Variants in MYH9 observed in about 807,000 individuals in gnomAD.
MYH9 encodes the protein myosin-9.
MYH9 carries 29 observed loss-of-function variants against 241.9 expected under a neutral mutation model. The ratio of observed to expected loss-of-function variants is 0.12; its 90% CI spans 0.09 to 0.16. The LOEUF is 0.16. Ranked by LOEUF, MYH9 falls within the 10% of genes least tolerant of loss-of-function variation. The pLI is 1.00. For missense variants in MYH9, 1,803 were observed against 2,595.5 expected, an observed-to-expected ratio of 0.69 and a Z score of 6.63; for synonymous variants, 1,047 against 1,062.6, an observed-to-expected ratio of 0.99 and a Z score of 0.29.
At chr22:36,312,580 G>C (rs897510298) in intron 13 of MYH9, among the ~76,000 whole-genome samples, 4 of 152,174 alleles carry the variant, frequency 2.6e-5, no homozygotes, top group Admixed American at 2.0e-4. Context: ...CTGTGATCCT[G>C]CCACGGGAGA....
chr22:36,316,487 G>A (rs1290490916), intron 12 of MYH9, 30 bp downstream of exon 12: 1 of 1,614,088 alleles, frequency 6.2e-7, no homozygotes, highest in Admixed American at 1.7e-5. Context: ...CAAGGAGGCA[G>A]CAGGGTGGGT....
At position 36,330,368 on chromosome 22, in the gene MYH9, C is replaced by A. The variant is rs1223940695; in HGVS notation, c.491-2880G>T. The stretch of plus-strand genomic sequence containing the variant: ...GATGCACCACGAATCGTACCATGGC[C>A]CCATGCAACCGAAAAGGTCTTTCCA... On this transcript the variant is annotated intron_variant, in intron 3 of 40. Transcript: ENST00000216181. This position sits in a 1 kb window ranked among gnomAD's most constrained non-coding sequence, Gnocchi z 4.5. 6.6e-6 allele frequency among the ~76,000 whole-genome samples: 1 copy of A among 152,226 alleles called. No individual in the cohort carries two copies. The highest frequency in any genetic ancestry group is 1.9e-4 in the East Asian group (1 of 5,198).
chr22:36,317,911 A>T (rs569900128), intron 11 of MYH9, among the ~76,000 whole-genome samples: 16 of 152,374 alleles, frequency 1.1e-4, no homozygotes. Flanking sequence ...CAGACAGGAC[A>T]TGCCTATATC....
chr22:36,340,807 G>A (rs962688591), intron 3 of MYH9, among the ~76,000 whole-genome samples: 4 of 152,142 alleles, frequency 2.6e-5, no homozygotes, highest in African/African-American at 7.2e-5. Flanking sequence ...GAGAAGGGGT[G>A]GGGACAGACA....
At chr22:36,321,883 G>T in intron 6 of MYH9, 62 bp from the exon 7 acceptor site, 1 of 1,426,872 alleles carries the variant, frequency 7.0e-7, no homozygotes, top group Non-Finnish European at 9.9e-7. Flanking sequence ...TAGAGAGCAC[G>T]GGGGAGACCA....
chr22:36,345,516 G>A (rs762147417), intron 2 of MYH9, among the ~76,000 whole-genome samples: 4 of 152,100 alleles, frequency 2.6e-5, no homozygotes, highest in Non-Finnish European at 2.9e-5. Context: ...TGTGACATAA[G>A]CTATAAAGCC....
chr22:36,339,337 G>C (rs963966971), intron 3 of MYH9, among the ~76,000 whole-genome samples: 4 of 152,162 alleles, frequency 2.6e-5, no homozygotes, highest in Admixed American at 1.3e-4. Context: ...TTTTGCACTA[G>C]GCCAATTAAG....
At chr22:36,308,717 G>GT in intron 15 of MYH9, 2 of 748,500 alleles carry the variant, frequency 2.7e-6, no homozygotes, top group Non-Finnish European at 3.3e-6. Flanking sequence ...CCAAGGCAAG[G>GT]GGGGGCGCGA....
intron 5 of MYH9, among the ~76,000 whole-genome samples, 178 bp downstream of exon 5, chr22:36,326,390 C>A (rs751177627): frequency 6.6e-6 from 1 of 152,330 alleles, no homozygotes; most frequent in East Asian, 1.9e-4. Context: ...GGCTTGCTAC[C>A]GCTGGACCAC....
rs755404997 is a variant in MYH9 at position 36,291,983 on chromosome 22, C to G, written c.4344+3G>C. 6.2e-7 allele frequency: 1 copy of G among 1,614,202 alleles called. No homozygotes were observed. The highest frequency in any genetic ancestry group is 1.1e-5 in the South Asian group (1 of 91,090). On this transcript the variant is annotated splice_donor_region_variant and intron_variant, in intron 31 of 40. Coordinates refer to ENST00000216181, the MANE Select transcript of MYH9 (RefSeq NM_002473.6). ...GCAAAGGATGGGGCCAACGGCCACACACCTGGTCAAACTTCTTCTGCTTCT... is the reference window on the plus strand; with the variant it reads ...GCAAAGGATGGGGCCAACGGCCACAGACCTGGTCAAACTTCTTCTGCTTCT...
chr22:36,353,769 C>G (rs1343765844), intron 1 of MYH9, among the ~76,000 whole-genome samples: 1 of 109,568 alleles, frequency 9.1e-6, no homozygotes, highest in Non-Finnish European at 2.2e-5. Flanking sequence ...TCAGTTTTCT[C>G]TTTCTTTTCG....
chr22:36,361,850 T>C (rs1310389487), intron 1 of MYH9, among the ~76,000 whole-genome samples: 1 of 152,178 alleles, frequency 6.6e-6, no homozygotes, highest in Non-Finnish European at 1.5e-5. Context: ...GGCAGGTAGA[T>C]CACGAGGTCA....
chr22:36,381,758 C>T (rs75136417), intron 1 of MYH9, among the ~76,000 whole-genome samples: 12,234 of 152,096 alleles, frequency 0.08, 534 homozygotes, highest in Middle Eastern at 0.11. Flanking sequence ...ATGGATTGAC[C>T]TCATTTTTCA....
rs953711109 is a variant in MYH9, at chr22:36,315,916, T to C, written c.1380+601A>G. Among the ~76,000 whole-genome samples the C allele has an allele frequency of 2.0e-5, 3 of 151,778 alleles. No homozygotes were observed. The South Asian group carries it at 6.2e-4, about 31-fold the overall frequency. On this transcript the variant is annotated intron_variant, in intron 12 of 40. Transcript: ENST00000216181. ...AGCTGGGAGTGGTGGTGCGTGCCTA[T>C]AGTTCCAGCTACTAAGGGGGCTGAG...
chr22:36,369,216 A>G (rs1301152692), intron 1 of MYH9, among the ~76,000 whole-genome samples: 2 of 152,170 alleles, frequency 1.3e-5, no homozygotes, highest in Non-Finnish European at 2.9e-5. Context: ...TCTGTCTAAC[A>G]TAGGTTTAAA....
At chr22:36,317,965 C>A (rs1397505893) in intron 11 of MYH9, among the ~76,000 whole-genome samples, 1 of 152,272 alleles carries the variant, frequency 6.6e-6, no homozygotes, top group African/African-American at 2.4e-5. Context: ...TGTAAAGAGG[C>A]ACAATGCAGT....
In MYH9 at chr22:36,281,714, T is replaced by C. The variant is rs1373713532; in HGVS notation, c.*954A>G. On this transcript the variant is annotated 3_prime_UTR_variant, in exon 41 of 41. Transcript: ENST00000216181. ...CTTATTTTGCTTTCAAAAATACCTG[T>C]GCAGGTGGCAGATTTTTAAACTATA... 8.7e-6 allele frequency: 2 copies of C among 230,766 alleles called. No homozygotes were observed. The highest frequency in any genetic ancestry group is 1.7e-5 in the Non-Finnish European group (2 of 116,310). 14.3% of individuals were successfully genotyped at this position (230,766 alleles called of 1,614,324 possible).
At chr22:36,374,780 G>A (rs1314623881) in intron 1 of MYH9, among the ~76,000 whole-genome samples, 3 of 152,194 alleles carry the variant, frequency 2.0e-5, no homozygotes, top group East Asian at 1.9e-4. Flanking sequence ...AGGCTGGGTC[G>A]TGGCCTAAGG....
chr22:36,358,059 G>A (rs2017883203), intron 1 of MYH9, among the ~76,000 whole-genome samples: 2 of 152,138 alleles, frequency 1.3e-5, no homozygotes, highest in Admixed American at 1.3e-4. Context: ...CTGGGGGTGG[G>A]AGCTGTTGAC....
Sources: gnomAD v4.1 joint callset for allele counts (sites outside exome capture counted in the v4.1 genomes callset) on GRCh38, gnomAD v4.1.1 for gene constraint, Gnocchi (gnomAD v3.1) non-coding constraint, MANE v1.5 for transcripts, NCBI Gene and HGNC (gene_info 2026-07-23, HGNC 2026-07-21) for gene names.